Variants in FANCL observed in about 807,000 individuals in gnomAD.
FANCL encodes E3 ubiquitin-protein ligase FANCL.
FANCL carries 69 observed loss-of-function variants against 59.4 expected under a neutral mutation model. The ratio of observed to expected loss-of-function variants is 1.16; its 90% CI spans 0.96 to 1.42. FANCL has a LOEUF of 1.42. FANCL is among the 40% of genes most tolerant of loss of function. FANCL has a pLI of 0.00. For synonymous variants in FANCL, 180 were observed against 147.1 expected (o/e 1.22, Z -1.62); for missense variants, 519 against 447.2 (o/e 1.16, Z -1.45).
chr2:58,207,111 A>G (rs1200978471), intron 5 of FANCL, among the ~76,000 whole-genome samples: 1 of 152,148 alleles, frequency 6.6e-6, no homozygotes, highest in East Asian at 1.9e-4. Context: ...TGGCCAGTGG[A>G]CTACAAGCAC....
intron 5 of FANCL, among the ~76,000 whole-genome samples, chr2:58,216,835 T>C (rs1489013535): frequency 2.0e-5 from 3 of 151,820 alleles, no homozygotes; most frequent in Non-Finnish European, 4.4e-5. Context: ...ACCGCCCAGG[T>C]TGGAATCCAA....
At chr2:58,216,622 AAAAGT>A (rs1252613741) in intron 5 of FANCL, among the ~76,000 whole-genome samples, 3 of 152,198 alleles carry the variant, frequency 2.0e-5, no homozygotes, top group African/African-American at 7.2e-5. Flanking sequence ...GAAAATAAAG[AAAAGT>A]AGAGAAAAAC....
Position 58,159,379 on chromosome 2 carries a change from G to A in FANCL, c.*386C>T. On this transcript the variant is annotated 3_prime_UTR_variant, in exon 14 of 14. Coordinates refer to ENST00000233741, the MANE Select transcript of FANCL (RefSeq NM_018062.4). ...CACAAGGAGAAGACAGAAATATCAA[G>A]AGTCTCAAGAACCTTTGAATGAAGT... 6.2e-7 allele frequency: 1 copy of A among 1,610,346 alleles called. No individual in the cohort carries two copies. Among genetic ancestry groups the A allele is most frequent in the Non-Finnish European group, 8.5e-7 (1 of 1,178,668 alleles).
At chr2:58,162,733 G>C in intron 11 of FANCL, 133 bp downstream of exon 11, 1 of 783,152 alleles carries the variant, frequency 1.3e-6, no homozygotes, top group Non-Finnish European at 2.1e-6. Flanking sequence ...CAAGTTTTTT[G>C]ATGCAGATCA....
Position 58,186,617 on chromosome 2 carries a change from G to A in FANCL, c.540+11977C>T, listed in dbSNP as rs183334636. Reference sequence around the variant, plus strand: ...CCAGAATGCAAGAGCATTTTTTTCCGGCTTCCATGCCACTGGCTGAATTGC... The same window carrying A: ...CCAGAATGCAAGAGCATTTTTTTCCAGCTTCCATGCCACTGGCTGAATTGC... On this transcript the variant is annotated intron_variant, in intron 7 of 13. Coordinates refer to ENST00000233741, the MANE Select transcript of FANCL (RefSeq NM_018062.4). Among the ~76,000 whole-genome samples, 39 of 152,174 alleles carry A rather than the reference G, an allele frequency of 2.6e-4. 1 individual carries two copies. Among genetic ancestry groups the A allele is most frequent in the East Asian group, 2.3e-3 (12 of 5,178 alleles).
chr2:58,161,567 A>C lies in FANCL; in HGVS notation c.975T>G (p.Asp325Glu), dbSNP rs1306041136. The C allele has an allele frequency of 6.2e-7, 1 of 1,611,566 alleles. No homozygotes were observed. Among genetic ancestry groups the C allele is most frequent in the Non-Finnish European group, 8.5e-7 (1 of 1,177,984 alleles). ...GGAAAGGTTGTCCACACTGAGAATT[A>C]TCACACACTTGATCAGGAATGGTAC... is the stretch of plus-strand genomic sequence containing the variant. ...LDGTIPDQVC[D>E]NSQCGQPFHQ... Residue 325 changes from aspartate to glutamate, a missense_variant, in exon 12 of 14, where the codon GAT (aspartate) becomes GAG (glutamate). Physicochemically the swap from Asp to Glu is conservative, Grantham distance 45 (BLOSUM62 2). Transcript: ENST00000233741.
intron 7 of FANCL, among the ~76,000 whole-genome samples, chr2:58,171,680 C>A (rs1686634942): frequency 6.6e-6 from 1 of 152,208 alleles, no homozygotes; most frequent in Admixed American, 6.5e-5. Context: ...GTGAGCGACG[C>A]AGAAGACGGG....
intron 1 of FANCL, among the ~76,000 whole-genome samples, chr2:58,240,110 TAAA>T (rs79031739): frequency 1.7e-4 from 22 of 130,652 alleles, no homozygotes; most frequent in African/African-American, 2.2e-4. Flanking sequence ...ATGCTTCCTG[TAAA>T]AAAAAAAAAA....
At chr2:58,222,590 C>T (rs1692594147) in intron 4 of FANCL, among the ~76,000 whole-genome samples, 1 of 152,018 alleles carries the variant, frequency 6.6e-6, no homozygotes, top group Non-Finnish European at 1.5e-5. Flanking sequence ...ATTATGCCAT[C>T]CATCTGGCTA....
At chr2:58,180,752 T>G (rs1687857380) in intron 7 of FANCL, among the ~76,000 whole-genome samples, 1 of 152,006 alleles carries the variant, frequency 6.6e-6, no homozygotes, top group Admixed American at 6.6e-5. Context: ...CTTCTCATTT[T>G]TTAACATAAG....
chr2:58,188,279 T>C (rs898393218), intron 7 of FANCL, among the ~76,000 whole-genome samples: 1 of 152,152 alleles, frequency 6.6e-6, no homozygotes, highest in African/African-American at 2.4e-5. Context: ...TTTATGAAAA[T>C]ACCATATTAT....
At chr2:58,221,713 G>A (rs991118466) in intron 5 of FANCL, among the ~76,000 whole-genome samples, 2 of 152,038 alleles carry the variant, frequency 1.3e-5, no homozygotes, top group African/African-American at 4.8e-5. Context: ...ATCTTACTGT[G>A]TACATAAAAA....
chr2:58,238,521 T>TA (rs1459446120), intron 1 of FANCL, among the ~76,000 whole-genome samples: 1 of 152,064 alleles, frequency 6.6e-6, no homozygotes. Context: ...TTTAAGCCAA[T>TA]AAAATCAGAA....
chr2:58,223,923 T>C (rs1692721645), intron 4 of FANCL, among the ~76,000 whole-genome samples: 1 of 152,066 alleles, frequency 6.6e-6, no homozygotes, highest in African/African-American at 2.4e-5. Context: ...ATAGGAACCC[T>C]ATTACTTACA....
chr2:58,217,016 A>G (rs1691787908), intron 5 of FANCL, among the ~76,000 whole-genome samples: 1 of 150,174 alleles, frequency 6.7e-6, no homozygotes, highest in Non-Finnish European at 1.5e-5. Flanking sequence ...GAGGGGAATA[A>G]GGAATTGCAG....
intron 5 of FANCL, among the ~76,000 whole-genome samples, chr2:58,206,115 A>G (rs942454852): frequency 8.5e-5 from 13 of 152,152 alleles, no homozygotes; most frequent in African/African-American, 3.1e-4. Flanking sequence ...ACCAGAATGG[A>G]AAATTAGAAA....
intron 1 of FANCL, among the ~76,000 whole-genome samples, chr2:58,240,345 CA>C (rs1694408467): frequency 6.6e-6 from 1 of 151,994 alleles, no homozygotes; most frequent in Non-Finnish European, 1.5e-5. Flanking sequence ...GAAGTGGGCA[CA>C]AGGTTGAGTG....
chr2:58,203,375 A>G (rs1429858678), intron 6 of FANCL, among the ~76,000 whole-genome samples: 1 of 151,930 alleles, frequency 6.6e-6, no homozygotes, highest in Non-Finnish European at 1.5e-5. Context: ...CAATCTTCTG[A>G]AAAAGAGTTG....
intron 8 of FANCL, among the ~76,000 whole-genome samples, chr2:58,164,738 G>A (rs184020559): frequency 1.8e-4 from 27 of 152,062 alleles, no homozygotes; most frequent in Non-Finnish European, 3.8e-4. Flanking sequence ...TTTCTTTGAA[G>A]AAAATATTTT....
Sources: allele counts gnomAD v4.1 joint callset (sites outside exome capture counted in the v4.1 genomes callset), GRCh38; gene constraint gnomAD v4.1.1; transcripts MANE v1.5; gene names NCBI Gene and HGNC (gene_info 2026-07-23, HGNC 2026-07-21).